The following ADCY5 variants were observed in gnomAD, a reference collection of about 807,000 sequenced individuals.
ADCY5 encodes adenylate cyclase type 5.
Under a neutral mutation model 119.7 loss-of-function variants are expected in ADCY5, and 30 were observed. That is an observed-to-expected ratio of 0.25 (90% CI 0.19 to 0.34). The LOEUF (loss-of-function observed/expected upper bound fraction) is 0.34, where lower values mean the gene tolerates loss of function less well. Ranked by LOEUF, ADCY5 falls within the 10% of genes least tolerant of loss-of-function variation. The pLI is 1.00. For missense variants in ADCY5, 1,324 were observed against 1,775.2 expected (o/e 0.75, Z 4.57); for synonymous variants, 753 against 762.2 (o/e 0.99, Z 0.20).
chr3:123,292,668 C>T (rs1023606986), intron 17 of ADCY5, among the ~76,000 whole-genome samples: 3 of 152,172 alleles, frequency 2.0e-5, no homozygotes, highest in African/African-American at 7.2e-5. Flanking sequence ...ATGAATAAGG[C>T]TACCTGTGTC....
chr3:123,367,201 G>A (rs757004874), intron 1 of ADCY5, among the ~76,000 whole-genome samples: 3 of 152,298 alleles, frequency 2.0e-5, no homozygotes, highest in East Asian at 3.9e-4. Context: ...CCTCATCCCC[G>A]GACCAGGCGT....
intron 3 of ADCY5, among the ~76,000 whole-genome samples, chr3:123,346,351 G>A (rs962184190): frequency 6.6e-6 from 1 of 152,232 alleles, no homozygotes; most frequent in African/African-American, 2.4e-5. Context: ...GGGAGACCAA[G>A]GTGACTGCTG....
Position 123,283,041 on chromosome 3 carries a change from TAAAAC to T in ADCY5, c.*1562_*1566del, listed in dbSNP as rs895250118. On this transcript the variant is annotated 3_prime_UTR_variant, in exon 21 of 21. Coordinates refer to ENST00000462833, the MANE Select transcript of ADCY5 (RefSeq NM_183357.3). The stretch of plus-strand genomic sequence containing the variant: ...GGTATGTTTAACTGCCCCCTCCCAC[TAAAAC>T]AAAATTCCTGCTAGCTTTCCCTGTG... 5.3e-5 allele frequency: 8 copies of T among 152,214 alleles called. No homozygotes were observed. Among genetic ancestry groups the T allele is most frequent in the African/African-American group, 1.2e-4 (5 of 41,448 alleles). 9.4% of individuals were successfully genotyped at this position (152,214 alleles called of 1,614,324 possible). A position where few individuals can be genotyped will look rare whatever the true frequency, so the allele number is the denominator to read the frequency against.
intron 2 of ADCY5, among the ~76,000 whole-genome samples, chr3:123,351,004 G>T (rs954616330): frequency 6.6e-6 from 1 of 152,088 alleles, no homozygotes; most frequent in Non-Finnish European, 1.5e-5. Flanking sequence ...TTAATAAAGG[G>T]CAGTGGGAGG....
intron 1 of ADCY5, among the ~76,000 whole-genome samples, chr3:123,392,300 G>C (rs1175566045): frequency 2.0e-5 from 3 of 152,130 alleles, no homozygotes; most frequent in Non-Finnish European, 4.4e-5. Context: ...ATGGCTTTAT[G>C]ATCACAGAAA....
chr3:123,371,868 T>C (rs542015810), intron 1 of ADCY5, among the ~76,000 whole-genome samples: 95 of 152,184 alleles, frequency 6.2e-4, no homozygotes, highest in South Asian at 4.6e-3. Flanking sequence ...AGCTGGGCCC[T>C]GGGCTGCTCC....
At chr3:123,399,782 C>T (rs894011037) in intron 1 of ADCY5, among the ~76,000 whole-genome samples, 1 of 152,156 alleles carries the variant, frequency 6.6e-6, no homozygotes, top group Non-Finnish European at 1.5e-5. Flanking sequence ...TCAGGAATAA[C>T]CATAATCATA....
chr3:123,309,293 C>T (rs1196082261), intron 12 of ADCY5, among the ~76,000 whole-genome samples: 3 of 152,184 alleles, frequency 2.0e-5, no homozygotes, highest in African/African-American at 7.2e-5. Flanking sequence ...GATGCAGTAG[C>T]TCCTACTTCA....
Position 123,284,597 on chromosome 3 carries a change from G to A in ADCY5, c.*11C>T, listed in dbSNP as rs200585862. Reference sequence around the variant, plus strand: ...GAGGCCAGGCTGCCTGGCACCATTGGCCAACAGCTGCTAACTGAGCGGGGG... The same window carrying A: ...GAGGCCAGGCTGCCTGGCACCATTGACCAACAGCTGCTAACTGAGCGGGGG... On this transcript the variant is annotated 3_prime_UTR_variant, in exon 21 of 21. Transcript: ENST00000462833. 4.9e-5 allele frequency: 79 copies of A among 1,614,014 alleles called. No homozygotes were observed. The highest frequency in any genetic ancestry group is 6.5e-5 in the Non-Finnish European group (77 of 1,179,990).
intron 1 of ADCY5, among the ~76,000 whole-genome samples, chr3:123,400,451 A>T (rs1158505197): frequency 6.6e-6 from 1 of 152,232 alleles, no homozygotes; most frequent in African/African-American, 2.4e-5. Context: ...CTTAAAAAGG[A>T]AAAAGCCTTA....
chr3:123,381,428 T>C (rs1174131785), intron 1 of ADCY5, among the ~76,000 whole-genome samples: 5 of 152,234 alleles, frequency 3.3e-5, no homozygotes, highest in Non-Finnish European at 7.3e-5. Flanking sequence ...TGGCTGGGAA[T>C]TGGCTCAATG....
At chr3:123,296,891 C>T (rs1939548180) in intron 16 of ADCY5, 6 of 1,123,690 alleles carry the variant, frequency 5.3e-6, no homozygotes, top group Non-Finnish European at 7.4e-6. Context: ...CCCTGGAAGG[C>T]TGCACAGAGG....
In ADCY5 at chr3:123,319,721, C is replaced by T. The variant is rs749459599; in HGVS notation, c.2209G>A (p.Val737Ile). 2.5e-6 allele frequency: 4 copies of T among 1,614,238 alleles called. No homozygotes were observed. Among genetic ancestry groups the T allele is most frequent in the South Asian group, 1.1e-5 (1 of 91,088 alleles). Reference protein sequence around the residue: ...RSIDRLRSEHVRKFLLTFREP... With the variant: ...RSIDRLRSEHIRKFLLTFREP... Reference sequence around the variant, plus strand: ...CTGAAGGTCAGGAGGAACTTGCGGACGTGCTCAGACCGAAGCCTATCAATG... The same window carrying T: ...CTGAAGGTCAGGAGGAACTTGCGGATGTGCTCAGACCGAAGCCTATCAATG... The change falls in exon 10 of 21, where the codon GTC becomes ATC. Residue 737 changes from valine to isoleucine, a missense_variant. Transcript: ENST00000462833.
chr3:123,289,861 C>T lies in ADCY5; in HGVS notation c.3421G>A (p.Asp1141Asn), dbSNP rs1199215589. Residue 1141 changes from aspartate to asparagine, a missense_variant, in exon 19 of 21, where the codon GAC becomes AAC. This residue lies in a region of ADCY5 where 178 missense variants were observed against 329.6 expected (regional missense o/e 0.54). Transcript: ENST00000462833. ...AASGLNDSTY[D>N]KVGKTHIKAL... ...TTGATGTGGGTCTTGCCCACCTTGT[C>T]GTAGGTAGAGTCGTTGAGGCCGGAG... 3.1e-6 allele frequency: 5 copies of T among 1,614,234 alleles called. No homozygotes were observed. Among genetic ancestry groups the T allele is most frequent in the Admixed American group, 1.7e-5 (1 of 60,036 alleles).
intron 3 of ADCY5, among the ~76,000 whole-genome samples, chr3:123,337,739 A>G (rs1187064764): frequency 6.6e-6 from 1 of 152,218 alleles, no homozygotes; most frequent in Non-Finnish European, 1.5e-5. Flanking sequence ...ATCTGCAAAG[A>G]TCTTGCTTCC....
intron 3 of ADCY5, among the ~76,000 whole-genome samples, chr3:123,339,184 G>A (rs900514144): frequency 6.6e-6 from 1 of 152,154 alleles, no homozygotes; most frequent in African/African-American, 2.4e-5. Context: ...CCTCTGGATG[G>A]GCCAGTGGTC....
chr3:123,314,650 A>AT (rs1458582090), intron 11 of ADCY5, among the ~76,000 whole-genome samples: 1 of 152,186 alleles, frequency 6.6e-6, no homozygotes. Flanking sequence ...CCTGATAGGT[A>AT]TTTTGCCTAA....
At chr3:123,308,317 G>A (rs1323029638) in intron 12 of ADCY5, among the ~76,000 whole-genome samples, 5 of 151,442 alleles carry the variant, frequency 3.3e-5, no homozygotes, top group Non-Finnish European at 5.9e-5. Flanking sequence ...GATTACAGGC[G>A]TGAGCCACTG....
intron 8 of ADCY5, among the ~76,000 whole-genome samples, chr3:123,322,185 G>A (rs1410660867): frequency 6.6e-6 from 1 of 152,238 alleles, no homozygotes; most frequent in Non-Finnish European, 1.5e-5. Context: ...AGCTCCCTGT[G>A]GAAGACCCCC....
Sources: allele counts gnomAD v4.1 joint callset (sites outside exome capture counted in the v4.1 genomes callset), GRCh38; gene constraint gnomAD v4.1.1; regional missense constraint gnomAD v4.1.1; transcripts MANE v1.5; gene names NCBI Gene and HGNC (gene_info 2026-07-23, HGNC 2026-07-21).